Variants in DORIP1 observed in about 807,000 individuals in gnomAD.
The protein encoded by DORIP1 is dopamine receptor-interacting protein 1.
the DORIP1 span, chr14:44,897,436 A>G: frequency 1.6e-5 from 3 of 191,862 alleles, no homozygotes; most frequent in Non-Finnish European, 1.0e-5. Context: ...ACGCCGGGGG[A>G]GGCCGAGACA....
the DORIP1 span, among the ~76,000 whole-genome samples, chr14:44,902,098 C>A: frequency 1.5e-4 from 23 of 152,216 alleles, no homozygotes; most frequent in African/African-American, 5.3e-4. Context: ...GTTAAACTTA[C>A]ATTTCTCTGA....
At chr14:44,900,389 C>T in the DORIP1 span, 67 of 1,386,600 alleles carry the variant, frequency 4.8e-5, no homozygotes, top group Non-Finnish European at 6.0e-5. Flanking sequence ...ATTTAATATA[C>T]AAAGTTACAA....
the DORIP1 span, chr14:44,903,875 TA>T: frequency 1.0e-6 from 1 of 984,784 alleles, no homozygotes; most frequent in African/African-American, 1.7e-5. Flanking sequence ...TTGGTTTAGT[TA>T]ATAATGTTTG....
the DORIP1 span, chr14:44,900,858 A>G: frequency 1.2e-6 from 2 of 1,613,970 alleles, no homozygotes; most frequent in African/African-American, 2.7e-5. Flanking sequence ...ATTTTACAAA[A>G]AATCTTGAAA....
the DORIP1 span, among the ~76,000 whole-genome samples, chr14:44,899,935 G>C: frequency 3.4e-5 from 5 of 148,354 alleles, no homozygotes; most frequent in Non-Finnish European, 5.9e-5. Context: ...AGGTTCAAGC[G>C]ATTCTCCTGC....
At chr14:44,900,878 C>T in the DORIP1 span, 86 of 1,613,856 alleles carry the variant, frequency 5.3e-5, no homozygotes, top group Non-Finnish European at 6.9e-5. Flanking sequence ...AATCTCATGT[C>T]TACCATTCAA....
At chr14:44,899,270 G>A in the DORIP1 span, 1 of 152,202 alleles carries the variant, frequency 6.6e-6, no homozygotes, top group Non-Finnish European at 1.5e-5. Flanking sequence ...CCTCAAGGTT[G>A]GGGAAGAGTG....
the DORIP1 span, chr14:44,897,636 C>A: frequency 6.3e-6 from 1 of 157,516 alleles, no homozygotes; most frequent in Non-Finnish European, 1.4e-5. Flanking sequence ...CGGCCCGGCC[C>A]TCCAGCCTAT....
chr14:44,900,722 T>A, the DORIP1 span: 1 of 1,614,118 alleles, frequency 6.2e-7, no homozygotes, highest in South Asian at 1.1e-5. Context: ...CTTTACTTAA[T>A]GGACACCTAC....
At chr14:44,904,748 G>A in the DORIP1 span, 3 of 401,452 alleles carry the variant, frequency 7.5e-6, no homozygotes, top group Non-Finnish European at 1.3e-5. Context: ...ACAGAATTGG[G>A]TTCAAATCCT....
the DORIP1 span, chr14:44,900,455 A>C: frequency 1.9e-5 from 29 of 1,531,222 alleles, no homozygotes; most frequent in South Asian, 3.6e-4. Context: ...CTGTTTGAAG[A>C]GATCAAAGCA....
chr14:44,897,515 A>AGGCGGC, the DORIP1 span: 3 of 203,034 alleles, frequency 1.5e-5, no homozygotes, highest in African/African-American at 2.4e-5. Context: ...CTCCATGAGC[A>AGGCGGC]GGCGGCGGCG....
the DORIP1 span, chr14:44,903,345 G>A: frequency 1.3e-6 from 2 of 1,555,652 alleles, no homozygotes; most frequent in East Asian, 2.3e-5. Flanking sequence ...GTGTTTATAA[G>A]GAAACCTAGG....
At chr14:44,907,098 T>G in the DORIP1 span, 1 of 152,654 alleles carries the variant, frequency 6.6e-6, no homozygotes, top group African/African-American at 2.4e-5. Flanking sequence ...AATGCAGATT[T>G]ATTCTTTCAG....
At chr14:44,905,488 A>G in the DORIP1 span, 2 of 1,563,904 alleles carry the variant, frequency 1.3e-6, no homozygotes, top group Non-Finnish European at 1.7e-6. Context: ...AATTTTGTTA[A>G]ATAAACCCCC....
the DORIP1 span, chr14:44,904,498 G>T: frequency 2.5e-6 from 4 of 1,610,548 alleles, no homozygotes; most frequent in Non-Finnish European, 3.4e-6. Context: ...TCTGGCGTAT[G>T]TACCCTATTA....
the DORIP1 span, chr14:44,904,680 AC>A: frequency 1.2e-6 from 1 of 867,476 alleles, no homozygotes; most frequent in Non-Finnish European, 1.6e-6. Flanking sequence ...AGAATTTATT[AC>A]AGAGAGTCAG....
the DORIP1 span, chr14:44,900,822 TG>T: frequency 6.2e-7 from 1 of 1,613,948 alleles, no homozygotes; most frequent in African/African-American, 1.3e-5. Flanking sequence ...CATTAATAAT[TG>T]ATTTGTTTGG....
the DORIP1 span, among the ~76,000 whole-genome samples, chr14:44,897,872 G>C: frequency 1.3e-5 from 2 of 152,224 alleles, no homozygotes; most frequent in Non-Finnish European, 2.9e-5. Flanking sequence ...TGCTGGGAGC[G>C]GTAGCGCGTG....
Sources: gnomAD v4.1 joint callset for allele counts (sites outside exome capture counted in the v4.1 genomes callset) on GRCh38, gnomAD v4.1.1 for gene constraint, MANE v1.5 for transcripts, NCBI Gene and HGNC (gene_info 2026-07-23, HGNC 2026-07-21) for gene names.